JAZF1: variants seen among roughly 807,000 people sequenced by gnomAD.
JAZF1 encodes juxtaposed with another zinc finger protein 1.
Under a neutral mutation model 26.4 loss-of-function variants are expected in JAZF1, and 8 were observed. The ratio of observed to expected loss-of-function variants is 0.30; its 90% confidence interval spans 0.18 to 0.55. The LOEUF (loss-of-function observed/expected upper bound fraction) is 0.55, where lower values mean the gene tolerates loss of function less well. Among genes scored for constraint, JAZF1 ranks in the 20% least tolerant of loss-of-function variants. The pLI, the probability that JAZF1 is intolerant of heterozygous loss-of-function variation, is 0.94. For synonymous variants in JAZF1, 126 were observed against 122.3 expected, an observed-to-expected ratio of 1.03 and a Z score of -0.20; for missense variants, 199 against 322.0, an observed-to-expected ratio of 0.62 and a Z score of 2.92.
chr7:28,120,501 C>CTTTTTTTTTTTTTTTTTTTTTTTTT lies in JAZF1; in HGVS notation c.115+59937_115+59961dup, dbSNP rs58448766. 4.1e-4 allele frequency among the ~76,000 whole-genome samples: 24 copies of CTTTTTTTTTTTTTTTTTTTTTTTTT among 59,012 alleles called. 6 individuals are homozygous for CTTTTTTTTTTTTTTTTTTTTTTTTT. Among genetic ancestry groups the CTTTTTTTTTTTTTTTTTTTTTTTTT allele is most frequent in the South Asian group, 1.0e-3 (1 of 966 alleles). The allele number at this position is 59,012 out of a possible 152,430, so 38.7% of individuals were successfully genotyped here. A position where few individuals can be genotyped will look rare whatever the true frequency, so the allele number is the denominator to read the frequency against. On this transcript the variant is annotated intron_variant, in intron 1 of 4. Coordinates refer to ENST00000283928, the MANE Select transcript of JAZF1 (RefSeq NM_175061.4). ...TCTGAACCACTAGCCACACACAGTT[C>CTTTTTTTTTTTTTTTTTTTTTTTTT]TTTTTTTTTTTTTTTTTTTTTTTTT...
intron 2 of JAZF1, among the ~76,000 whole-genome samples, chr7:27,960,661 C>T (rs766412639): frequency 4.2e-4 from 64 of 152,134 alleles, no homozygotes; most frequent in Non-Finnish European, 7.3e-4. Context: ...GGCACATCAG[C>T]AGAATGAGAA....
At chr7:27,924,808 T>A (rs573969083) in intron 2 of JAZF1, among the ~76,000 whole-genome samples, 7 of 152,362 alleles carry the variant, frequency 4.6e-5, no homozygotes, top group Non-Finnish European at 8.8e-5. Flanking sequence ...CAAATCCGCA[T>A]AAAGCTGCTT....
At chr7:27,908,534 G>A (rs533413311) in intron 2 of JAZF1, among the ~76,000 whole-genome samples, 13 of 152,174 alleles carry the variant, frequency 8.5e-5, no homozygotes, top group African/African-American at 2.9e-4. Flanking sequence ...ATTCATGGAC[G>A]GTCACTGATT....
chr7:28,028,702 C>T (rs866959356), intron 1 of JAZF1, among the ~76,000 whole-genome samples: 8 of 152,264 alleles, frequency 5.3e-5, no homozygotes, highest in African/African-American at 9.6e-5. Flanking sequence ...CTCTATTAAG[C>T]GTTGGTGAAT....
chr7:28,018,850 G>A (rs1051332960), intron 1 of JAZF1, among the ~76,000 whole-genome samples: 4 of 152,154 alleles, frequency 2.6e-5, no homozygotes, highest in African/African-American at 7.2e-5. Flanking sequence ...CAGCTGCTGC[G>A]AGGGGAAAAC....
At chr7:28,006,365 T>C (rs1583505092) in intron 1 of JAZF1, among the ~76,000 whole-genome samples, 1 of 151,782 alleles carries the variant, frequency 6.6e-6, no homozygotes, top group East Asian at 1.9e-4. Flanking sequence ...CAAGACTGTG[T>C]CTCAAAAAAA....
At chr7:27,905,744 T>C (rs941129886) in intron 2 of JAZF1, among the ~76,000 whole-genome samples, 3 of 152,018 alleles carry the variant, frequency 2.0e-5, no homozygotes, top group African/African-American at 7.2e-5. Flanking sequence ...CAGCCTCTAA[T>C]TAAAAAGGAA....
chr7:27,847,437 C>T (rs1783051850), intron 3 of JAZF1, among the ~76,000 whole-genome samples: 1 of 152,078 alleles, frequency 6.6e-6, no homozygotes, highest in African/African-American at 2.4e-5. Flanking sequence ...ATCTTATATC[C>T]ATTTGGAGTT....
chr7:27,941,187 G>A (rs1009409780), intron 2 of JAZF1, among the ~76,000 whole-genome samples: 7 of 152,162 alleles, frequency 4.6e-5, no homozygotes, highest in Non-Finnish European at 8.8e-5. Context: ...TGAGCCTTTC[G>A]AAATTAATAT....
intron 1 of JAZF1, among the ~76,000 whole-genome samples, chr7:28,101,618 C>T (rs999733814): frequency 6.8e-6 from 1 of 147,284 alleles, no homozygotes; most frequent in African/African-American, 2.5e-5. Flanking sequence ...GTAATGCACA[C>T]CTGTAGTCCC....
At chr7:27,963,662 A>C (rs564530807) in intron 2 of JAZF1, among the ~76,000 whole-genome samples, 118 of 150,414 alleles carry the variant, frequency 7.8e-4, no homozygotes, top group African/African-American at 2.8e-3. Flanking sequence ...CCTGGCCTCA[A>C]GTGATCCTCC....
intron 2 of JAZF1, among the ~76,000 whole-genome samples, chr7:27,901,953 G>A (rs559641042): frequency 1.3e-5 from 2 of 152,230 alleles, no homozygotes; most frequent in South Asian, 2.1e-4. Flanking sequence ...CTCACGGTGC[G>A]ACCTGGTGCG....
intron 1 of JAZF1, among the ~76,000 whole-genome samples, chr7:28,066,000 C>T (rs1488058003): frequency 2.0e-5 from 3 of 152,110 alleles, no homozygotes; most frequent in African/African-American, 4.8e-5. Flanking sequence ...TAAATGTTCA[C>T]GAGAGGACTA....
chr7:28,017,350 G>GAAA (rs1180100308), intron 1 of JAZF1, among the ~76,000 whole-genome samples: 2 of 81,864 alleles, frequency 2.4e-5, no homozygotes, highest in Non-Finnish European at 5.7e-5. Flanking sequence ...CTCTGTTTCA[G>GAAA]AAAAAAAAAA....
chr7:27,950,170 C>T (rs779566932), intron 2 of JAZF1, among the ~76,000 whole-genome samples: 5 of 152,170 alleles, frequency 3.3e-5, no homozygotes, highest in Non-Finnish European at 7.3e-5. Flanking sequence ...CTATGTATAT[C>T]AAAATATTTT....
chr7:28,002,108 C>A (rs997118781), intron 1 of JAZF1, among the ~76,000 whole-genome samples: 12 of 152,202 alleles, frequency 7.9e-5, no homozygotes. Flanking sequence ...CAACAGACAA[C>A]TGAACCAAAG....
At chr7:27,863,427 G>T (rs1360072255) in intron 3 of JAZF1, among the ~76,000 whole-genome samples, 1 of 152,140 alleles carries the variant, frequency 6.6e-6, no homozygotes, top group Non-Finnish European at 1.5e-5. Flanking sequence ...TCAGCATTCA[G>T]GTCATGTCAG....
At chr7:28,045,865 T>C (rs1177358340) in intron 1 of JAZF1, among the ~76,000 whole-genome samples, 1 of 152,224 alleles carries the variant, frequency 6.6e-6, no homozygotes, top group South Asian at 2.1e-4. Context: ...TGAGCCACTG[T>C]GCCTGGCCTG....
chr7:27,930,583 CTT>C (rs1784674014), intron 2 of JAZF1, among the ~76,000 whole-genome samples: 2 of 152,058 alleles, frequency 1.3e-5, no homozygotes, highest in African/African-American at 2.4e-5. Flanking sequence ...AGTATGTTCA[CTT>C]TTTGATAGTT....
Sources: allele counts gnomAD v4.1 joint callset (sites outside exome capture counted in the v4.1 genomes callset), GRCh38; gene constraint gnomAD v4.1.1; transcripts MANE v1.5; gene names NCBI Gene and HGNC (gene_info 2026-07-23, HGNC 2026-07-21).